The following ARHGEF28 variants were observed in gnomAD, a reference collection of about 807,000 sequenced individuals.
ARHGEF28 encodes Rho guanine nucleotide exchange factor 28.
Under a neutral mutation model 206.6 loss-of-function variants are expected in ARHGEF28, and 152 were observed. The ratio of observed to expected loss-of-function variants is 0.74; its 90% CI spans 0.64 to 0.84. The LOEUF (loss-of-function observed/expected upper bound fraction) is 0.84. ARHGEF28 is among the 40% of genes least tolerant of loss of function. The pLI, the probability that ARHGEF28 is intolerant of heterozygous loss-of-function variation, is 0.00. For missense variants in ARHGEF28, 2,028 were observed against 2,073.2 expected, an observed-to-expected ratio of 0.98 and a Z score of 0.42; for synonymous variants, 763 against 776.4, an observed-to-expected ratio of 0.98 and a Z score of 0.29.
At chr5:73,915,418 A>G (rs184358182) in intron 35 of ARHGEF28, among the ~76,000 whole-genome samples, 1 of 152,360 alleles carries the variant, frequency 6.6e-6, no homozygotes, top group Non-Finnish European at 1.5e-5. Context: ...AAGTTATTTC[A>G]TGAACAAAAT....
chr5:73,715,113 T>G (rs761925662), intron 2 of ARHGEF28, among the ~76,000 whole-genome samples: 1 of 152,230 alleles, frequency 6.6e-6, no homozygotes, highest in African/African-American at 2.4e-5. Flanking sequence ...GAGCTCTTAA[T>G]TGCAAGCAAC....
At chr5:73,676,704 A>G (rs902019523) in intron 1 of ARHGEF28, among the ~76,000 whole-genome samples, 6 of 152,052 alleles carry the variant, frequency 3.9e-5, no homozygotes, top group Admixed American at 2.6e-4. Context: ...TAAGTTGTTA[A>G]TGGGTCTCTG....
At chr5:73,842,249 A>G (rs1758034694) in intron 11 of ARHGEF28, among the ~76,000 whole-genome samples, 1 of 152,224 alleles carries the variant, frequency 6.6e-6, no homozygotes, top group African/African-American at 2.4e-5. Flanking sequence ...AATCAAAGTG[A>G]ACATAAAATG....
intron 2 of ARHGEF28, among the ~76,000 whole-genome samples, chr5:73,691,270 A>T (rs1050851404): frequency 6.8e-6 from 1 of 147,976 alleles, no homozygotes; most frequent in African/African-American, 2.5e-5. Context: ...ATTTTGGTAA[A>T]CACTAAAATT....
In ARHGEF28 at chr5:73,629,037, T is replaced by A. The variant is rs575171256; in HGVS notation, c.-12+2715T>A. Among the ~76,000 whole-genome samples the A allele has an allele frequency of 4.7e-4, 72 of 152,350 alleles. 1 individual carries two copies. In the South Asian group the frequency reaches 8.7e-3, roughly 18 times the overall value. ...CTATGAACATGTTCTTCATTTACAT[T>A]CATTCAACTAATATTTGTTGAAGTC... On this transcript the variant is annotated intron_variant, in intron 1 of 35. Transcript: ENST00000513042.
intron 21 of ARHGEF28, among the ~76,000 whole-genome samples, chr5:73,871,700 T>C (rs1760113661): frequency 6.6e-6 from 1 of 152,252 alleles, no homozygotes; most frequent in Non-Finnish European, 1.5e-5. Flanking sequence ...CATCAGGTCC[T>C]GTCTAATTTC....
intron 4 of ARHGEF28, among the ~76,000 whole-genome samples, chr5:73,755,899 T>A (rs1359126018): frequency 6.6e-6 from 1 of 152,152 alleles, no homozygotes; most frequent in Non-Finnish European, 1.5e-5. Flanking sequence ...CACCAGGAGG[T>A]CCTTTCTGAC....
intron 28 of ARHGEF28, among the ~76,000 whole-genome samples, chr5:73,893,738 A>G (rs572443476): frequency 2.0e-5 from 3 of 152,302 alleles, no homozygotes; most frequent in East Asian, 3.9e-4. Flanking sequence ...CTTTAAAAAT[A>G]CGGATGCCTG....
intron 2 of ARHGEF28, among the ~76,000 whole-genome samples, chr5:73,686,442 C>T (rs1398785827): frequency 6.6e-6 from 1 of 151,950 alleles, no homozygotes; most frequent in African/African-American, 2.4e-5. Context: ...AAAACCAATA[C>T]ACATTGCCCA....
chr5:73,874,731 C>G (rs1760345499), intron 22 of ARHGEF28, among the ~76,000 whole-genome samples: 1 of 151,044 alleles, frequency 6.6e-6, no homozygotes, highest in African/African-American at 2.4e-5. Context: ...ATCCATGTCC[C>G]TACAAAGGAC....
intron 1 of ARHGEF28, among the ~76,000 whole-genome samples, chr5:73,646,541 G>A (rs969212601): frequency 3.3e-5 from 5 of 152,186 alleles, no homozygotes; most frequent in Non-Finnish European, 2.9e-5. Context: ...CTGTCTGAGA[G>A]CTCACTGTAC....
chr5:73,813,815 A>C, intron 9 of ARHGEF28: 2 of 829,360 alleles, frequency 2.4e-6, no homozygotes, highest in Non-Finnish European at 1.8e-6. Context: ...GTACAGATAC[A>C]TATAGGTTTC....
At chr5:73,802,869 GC>G (rs1561414759) in intron 9 of ARHGEF28, among the ~76,000 whole-genome samples, 1 of 93,110 alleles carries the variant, frequency 1.1e-5, no homozygotes, top group Non-Finnish European at 2.1e-5. Flanking sequence ...AAGCTCGATT[GC>G]TGTGTGTGTG....
rs187102177 is a variant in ARHGEF28 at position 73,910,338 on chromosome 5, G to A, written c.4647+441G>A. ...GGAGGTTGCAGTGAGCCGAGATCAC[G>A]CCATTGCACTCCAGCCTGGGTGACA... On this transcript the variant is annotated intron_variant, in intron 34 of 35. Coordinates refer to ENST00000513042, the MANE Select transcript of ARHGEF28 (RefSeq NM_001177693.2). Among the ~76,000 whole-genome samples, 1,041 of 121,562 alleles carry A rather than the reference G, an allele frequency of 8.6e-3. 12 individuals are homozygous for A. The highest frequency in any genetic ancestry group is 0.031 in the African/African-American group (967 of 30,842). The allele number at this position is 121,562 out of a possible 152,430, so 79.7% of individuals were successfully genotyped here.
At chr5:73,655,879 G>C (rs1456851247) in intron 1 of ARHGEF28, among the ~76,000 whole-genome samples, 1 of 152,194 alleles carries the variant, frequency 6.6e-6, no homozygotes, top group Non-Finnish European at 1.5e-5. Flanking sequence ...TAAAAGGGAA[G>C]AGTTTGGGGG....
At chr5:73,864,947 T>C (rs1759620069) in intron 17 of ARHGEF28, 75 bp downstream of exon 17, 1 of 1,322,784 alleles carries the variant, frequency 7.6e-7, no homozygotes, top group Admixed American at 2.1e-5. Flanking sequence ...TTTACTCTTT[T>C]TTATTACCAT....
chr5:73,626,379 G>C (rs1038083357), intron 1 of ARHGEF28, 57 bp downstream of exon 1: 1 of 152,296 alleles, frequency 6.6e-6, no homozygotes, highest in Non-Finnish European at 1.5e-5. Flanking sequence ...GGGCGGAAAA[G>C]TTTGTCCACC....
chr5:73,933,312 C>T (rs1187256390), intron 35 of ARHGEF28, among the ~76,000 whole-genome samples: 1 of 152,142 alleles, frequency 6.6e-6, no homozygotes, highest in African/African-American at 2.4e-5. Context: ...AAAGCCCATA[C>T]CTGAATCTAT....
intron 35 of ARHGEF28, among the ~76,000 whole-genome samples, chr5:73,927,052 G>A (rs1423141981): frequency 6.6e-6 from 1 of 152,096 alleles, no homozygotes; most frequent in East Asian, 1.9e-4. Context: ...GTCACCTGGT[G>A]GACAATTGAA....
Sources: allele counts gnomAD v4.1 joint callset (sites outside exome capture counted in the v4.1 genomes callset), GRCh38; gene constraint gnomAD v4.1.1; transcripts MANE v1.5; gene names NCBI Gene and HGNC (gene_info 2026-07-23, HGNC 2026-07-21).